The following ARHGEF15 variants were observed in gnomAD, a reference collection of about 807,000 sequenced individuals.
ARHGEF15 encodes Rho guanine nucleotide exchange factor (GEF) 15.
In ARHGEF15, 58 loss-of-function variants were observed where a neutral mutation model predicts 79.7. The ratio of observed to expected loss-of-function variants is 0.73; its 90% confidence interval spans 0.59 to 0.91. The LOEUF (loss-of-function observed/expected upper bound fraction) is 0.91. Among genes scored for constraint, ARHGEF15 ranks in the 40% least tolerant of loss-of-function variants. The probability of loss-of-function intolerance (pLI) is 0.00; values close to 1 mark genes in which losing one functional copy is unlikely to be tolerated. For synonymous variants in ARHGEF15, 442 were observed against 456.0 expected (o/e 0.97, Z 0.39); for missense variants, 1,012 against 1,108.1 (o/e 0.91, Z 1.23).
rs1904665022 is a variant in ARHGEF15, at chr17:8,312,139, C to G, written c.100C>G (p.Pro34Ala). Residue 34 changes from proline to alanine, a missense_variant, in exon 2 of 16, where the codon CCA becomes GCA. Coordinates refer to ENST00000361926, the MANE Select transcript of ARHGEF15 (RefSeq NM_173728.4). Reference sequence around the variant, plus strand: ...TTCTCGTTCCAGGGCTGCCCAGTCCCCAGGGCCTCCCCACAATGGCTCCTC... The same window carrying G: ...TTCTCGTTCCAGGGCTGCCCAGTCCGCAGGGCCTCCCCACAATGGCTCCTC... Reference protein sequence around the residue: ...PPSRSRAAQSPGPPHNGSSPQ... With the variant: ...PPSRSRAAQSAGPPHNGSSPQ... 6.2e-7 allele frequency: 1 copy of G among 1,608,272 alleles called. No individual in the cohort carries two copies. The highest frequency in any genetic ancestry group is 8.5e-7 in the Non-Finnish European group (1 of 1,177,520).
Position 8,321,112 on chromosome 17 carries a change from T to C in ARHGEF15, c.*119T>C. ...GAGATACTACCTCTCGTGGCAACCA[T>C]AGAGATCGAGCTTCAGGACAGAGCA... On this transcript the variant is annotated 3_prime_UTR_variant, in exon 16 of 16. Coordinates refer to ENST00000361926, the MANE Select transcript of ARHGEF15 (RefSeq NM_173728.4). The C allele has an allele frequency of 2.8e-6, 4 of 1,420,560 alleles. No homozygotes were observed. The highest frequency in any genetic ancestry group is 2.6e-5 in the South Asian group (2 of 76,992). The allele number at this position is 1,420,560 out of a possible 1,614,324, so 88.0% of individuals were successfully genotyped here.
In ARHGEF15 at chr17:8,315,560, G is replaced by A; in HGVS notation, c.1407G>A (p.Gln469=). The part of the protein sequence containing the change: ...HTLFSNVQRV[Q]GVSERFLATL... ...TCTTCTCCAATGTGCAGCGAGTCCA[G>A]GGAGTCAGCGAGCGGTCAGTGGCTT... is the stretch of plus-strand genomic sequence containing the variant. The change falls in exon 7 of 16, where the codon CAG becomes CAA. Residue 469 remains glutamine, a synonymous_variant. Coordinates refer to ENST00000361926, the MANE Select transcript of ARHGEF15 (RefSeq NM_173728.4). This position sits in a 1 kb window ranked among gnomAD's most constrained non-coding sequence, Gnocchi z 4.3. 1 of 1,608,938 alleles carries A rather than the reference G, an allele frequency of 6.2e-7. No individual in the cohort carries two copies. Among genetic ancestry groups the A allele is most frequent in the East Asian group, 2.2e-5 (1 of 44,878 alleles).
intron 4 of ARHGEF15, among the ~76,000 whole-genome samples, chr17:8,314,501 G>C (rs901603520): frequency 6.6e-6 from 1 of 152,020 alleles, no homozygotes; most frequent in African/African-American, 2.4e-5. Context: ...TGGTTGCTAC[G>C]TGAGACGGCT....
Position 8,312,394 on chromosome 17 carries a change from C to T in ARHGEF15, c.355C>T (p.Pro119Ser), listed in dbSNP as rs926440781. ...AGAACCTGCTCCCCGGTCTCCAGTC[C>T]CCCCACCCAAGCCGTCTGGGTCACC... Reference protein sequence around the residue: ...SPEPAPRSPVPPPKPSGSPCT... With the variant: ...SPEPAPRSPVSPPKPSGSPCT... Residue 119 changes from proline to serine, a missense_variant, in exon 2 of 16, where the codon CCC becomes TCC. Transcript: ENST00000361926. The T allele has an allele frequency of 1.9e-6, 3 of 1,611,928 alleles. No homozygotes were observed. The highest frequency in any genetic ancestry group is 2.5e-6 in the Non-Finnish European group (3 of 1,178,986).
chr17:8,318,887 G>A lies in ARHGEF15; in HGVS notation c.2010G>A (p.Leu670=). Reference sequence around the variant, plus strand: ...TTTGCCTGCTGCTCTTTAGCGACCTGCTGCTCATCACTCAGCCTAAGAGGT... The same window carrying A: ...TTTGCCTGCTGCTCTTTAGCGACCTACTGCTCATCACTCAGCCTAAGAGGT... ...TPLCLLLFSD[L]LLITQPKSGQ... The change falls in exon 12 of 16, where the codon CTG becomes CTA. Residue 670 remains leucine, a synonymous_variant. Coordinates refer to ENST00000361926, the MANE Select transcript of ARHGEF15 (RefSeq NM_173728.4). The surrounding 1 kb of genome is among the most constrained non-coding windows in gnomAD (Gnocchi z 5.0). 6.2e-7 allele frequency: 1 copy of A among 1,612,746 alleles called. No homozygotes were observed. Among genetic ancestry groups the A allele is most frequent in the Non-Finnish European group, 8.5e-7 (1 of 1,179,984 alleles).
intron 9 of ARHGEF15, among the ~76,000 whole-genome samples, chr17:8,317,327 C>T (rs927762235): frequency 1.8e-4 from 27 of 152,132 alleles, no homozygotes; most frequent in Admixed American, 1.6e-3. Context: ...CTTGAACTCC[C>T]GGCCTCAAGC....
rs1905155414 is a variant in ARHGEF15 at position 8,318,285 on chromosome 17, G to A, written c.1705-102G>A. 12 of 1,152,328 alleles carry A rather than the reference G, an allele frequency of 1.0e-5. No homozygotes were observed. The East Asian group carries it at 2.6e-4, about 25-fold the overall frequency. The allele number at this position is 1,152,328 out of a possible 1,614,324, so 71.4% of individuals were successfully genotyped here. A position where few individuals can be genotyped will look rare whatever the true frequency, so the allele number is the denominator to read the frequency against. On this transcript the variant is annotated intron_variant, in intron 9 of 15. Transcript: ENST00000361926. The surrounding 1 kb of genome is among the most constrained non-coding windows in gnomAD (Gnocchi z 5.0). ...GTGAGTGATGAGGTCTGTCAGCCTT[G>A]TTGAAACTGGCTGAAACAGACAGGG...
chr17:8,313,299 G>A (rs1904791219), intron 3 of ARHGEF15, 45 bp downstream of exon 3: 7 of 1,577,072 alleles, frequency 4.4e-6, no homozygotes, highest in Non-Finnish European at 6.0e-6. Context: ...GAGGGGACAG[G>A]AGAGAGGCAG....
Position 8,315,795 on chromosome 17 carries a change from C to A in ARHGEF15, c.1462C>A (p.His488Asn), listed in dbSNP as rs147556222. The A allele has an allele frequency of 3.3e-5, 53 of 1,613,324 alleles. No individual in the cohort carries two copies. In the Middle Eastern group the frequency reaches 4.9e-4, roughly 15 times the overall value. Residue 488 changes from histidine (H) to asparagine (N), a missense_variant, in exon 8 of 16, where the codon CAC becomes AAC. Around this residue, in one of 3 missense-constraint regions of ARHGEF15, gnomAD observed 818 missense variants for 882.5 expected, o/e 0.93. Coordinates refer to ENST00000361926, the MANE Select transcript of ARHGEF15 (RefSeq NM_173728.4). The surrounding 1 kb of genome is among the most constrained non-coding windows in gnomAD (Gnocchi z 4.3). ...TLLSRVRSSP[H>N]ISDLCDVVHA... ...CCTGTCCCGTGTGCGCTCTTCCCCC[C>A]ACATCAGCGACTTGTGTGATGTGGT...
chr17:8,317,464 G>A (rs1217824677), intron 9 of ARHGEF15, among the ~76,000 whole-genome samples: 2 of 151,982 alleles, frequency 1.3e-5, no homozygotes, highest in African/African-American at 2.4e-5. Flanking sequence ...ATCTTATTCA[G>A]CTTTATCTAT....
chr17:8,312,144 G>C lies in ARHGEF15; in HGVS notation c.105G>C (p.Gly35=). 6.3e-7 allele frequency: 1 copy of C among 1,591,868 alleles called. No homozygotes were observed. The highest frequency in any genetic ancestry group is 1.4e-5 in the African/African-American group (1 of 71,556). Residue 35 remains glycine, a synonymous_variant, in exon 2 of 16, where the codon GGG becomes GGC. Coordinates refer to ENST00000361926, the MANE Select transcript of ARHGEF15 (RefSeq NM_173728.4). ...PSRSRAAQSP[G]PPHNGSSPQE... Reference sequence around the variant, plus strand: ...GTTCCAGGGCTGCCCAGTCCCCAGGGCCTCCCCACAATGGCTCCTCTCCAC... The same window carrying C: ...GTTCCAGGGCTGCCCAGTCCCCAGGCCCTCCCCACAATGGCTCCTCTCCAC...
At position 8,312,260 on chromosome 17, in the gene ARHGEF15, C is replaced by T; in HGVS notation, c.221C>T (p.Ala74Val). 6.1e-6 allele frequency: 8 copies of T among 1,321,016 alleles called. No homozygotes were observed. The highest frequency in any genetic ancestry group is 7.1e-6 in the Non-Finnish European group (7 of 988,580). 81.8% of individuals were successfully genotyped at this position (1,321,016 alleles called of 1,614,324 possible). ...EPPAASLKPP[A>V]LLPPSASRAS... ...CCAGCTGCATCCCTCAAGCCCCCTG[C>T]TCTTTTGCCCCCCTCAGCTTCTAGA... The change falls in exon 2 of 16, where the codon GCT becomes GTT. Residue 74 changes from alanine to valine, a missense_variant. This residue lies in a region of ARHGEF15 where 818 missense variants were observed against 882.5 expected (regional missense o/e 0.93). Transcript: ENST00000361926.
rs1905025831 is a variant in ARHGEF15 at position 8,316,221 on chromosome 17, C to T, written c.1704+73C>T. On this transcript the variant is annotated intron_variant, in intron 9 of 15. Transcript: ENST00000361926. ...GAACTCTCCCGAGGGCTTCTTGGCC[C>T]TCCAGCTATCACCATGCACTACTCC... 14 of 1,546,984 alleles carry T rather than the reference C, an allele frequency of 9.0e-6. 1 individual carries two copies. In the South Asian group the frequency reaches 1.5e-4, roughly 17 times the overall value.
chr17:8,315,133 G>A lies in ARHGEF15; in HGVS notation c.1116G>A (p.Gly372=). The part of the protein sequence containing the change: ...SEELWGVGED[G]SPSPANAGDA... ...AGCTGTGGGGGGTGGGTGAGGATGG[G>A]AGTCCTTCTCCAGCAAATGCTGGAG... Residue 372 remains glycine (G), a synonymous_variant, in exon 6 of 16, where the codon GGG becomes GGA. Coordinates refer to ENST00000361926, the MANE Select transcript of ARHGEF15 (RefSeq NM_173728.4). This position sits in a 1 kb window ranked among gnomAD's most constrained non-coding sequence, Gnocchi z 4.3. The A allele has an allele frequency of 6.2e-7, 1 of 1,614,052 alleles. No individual in the cohort carries two copies. Among genetic ancestry groups the A allele is most frequent in the Non-Finnish European group, 8.5e-7 (1 of 1,180,004 alleles).
In ARHGEF15 at chr17:8,314,893, T is replaced by C. The variant is rs1381039141; in HGVS notation, c.990-13T>C. On this transcript the variant is annotated splice_polypyrimidine_tract_variant and intron_variant, in intron 4 of 15. Transcript: ENST00000361926. ...GTGGCCCTGGGGACTTCCTTCCCTT[T>C]CTTTCTCCACAGGGAAGAGGAGGGG... is the stretch of plus-strand genomic sequence containing the variant. 6 of 1,613,742 alleles carry C rather than the reference T, an allele frequency of 3.7e-6. No individual in the cohort carries two copies. Among genetic ancestry groups the C allele is most frequent in the Non-Finnish European group, 5.1e-6 (6 of 1,179,898 alleles).
chr17:8,317,617 C>T (rs990777853), intron 9 of ARHGEF15, among the ~76,000 whole-genome samples: 22 of 152,260 alleles, frequency 1.4e-4, no homozygotes, highest in Middle Eastern at 3.4e-3. Flanking sequence ...TATTACTTGT[C>T]CTACTTTAGA....
intron 9 of ARHGEF15, among the ~76,000 whole-genome samples, chr17:8,317,832 C>T (rs771508826): frequency 1.8e-4 from 27 of 151,998 alleles, no homozygotes; most frequent in African/African-American, 5.6e-4. Flanking sequence ...TTTGGGAGGC[C>T]GAGGCGGGTG....
rs1338364472 is a variant in ARHGEF15 at position 8,310,315 on chromosome 17, A to G, written c.-78A>G. ...CCAAGGGGCAGACAGGACAGGCTGAAAATAGCAACTGGTTCCAAAAAGATA... is the reference window on the plus strand; with the variant it reads ...CCAAGGGGCAGACAGGACAGGCTGAGAATAGCAACTGGTTCCAAAAAGATA... On this transcript the variant is annotated 5_prime_UTR_variant, in exon 1 of 16. Coordinates refer to ENST00000361926, the MANE Select transcript of ARHGEF15 (RefSeq NM_173728.4). 1 of 152,232 alleles carries G rather than the reference A, an allele frequency of 6.6e-6. No homozygotes were observed. The highest frequency in any genetic ancestry group is 1.5e-5 in the Non-Finnish European group (1 of 68,098). 9.4% of individuals were successfully genotyped at this position (152,232 alleles called of 1,614,324 possible). A position where few individuals can be genotyped will look rare whatever the true frequency, so the allele number is the denominator to read the frequency against.
At chr17:8,317,063 G>A (rs1047530546) in intron 9 of ARHGEF15, among the ~76,000 whole-genome samples, 7 of 152,106 alleles carry the variant, frequency 4.6e-5, no homozygotes, top group African/African-American at 1.4e-4. Flanking sequence ...CATTACAGGC[G>A]TGAGCCACTG....
Sources: gnomAD v4.1 joint callset for allele counts (sites outside exome capture counted in the v4.1 genomes callset) on GRCh38, gnomAD v4.1.1 for gene constraint, gnomAD v4.1.1 regional missense constraint, Gnocchi (gnomAD v3.1) non-coding constraint, MANE v1.5 for transcripts, NCBI Gene and HGNC (gene_info 2026-07-23, HGNC 2026-07-21) for gene names.